UTRN: variants seen among roughly 807,000 people sequenced by gnomAD.
UTRN encodes utrophin.
In UTRN, 283 loss-of-function variants were observed where a neutral mutation model predicts 463.9. The observed-to-expected ratio is 0.61, with a 90% confidence interval of 0.55 to 0.67. The LOEUF (loss-of-function observed/expected upper bound fraction) is 0.67, where lower values mean the gene tolerates loss of function less well. UTRN is among the 30% of genes least tolerant of loss of function. The pLI is 0.00. For synonymous variants in UTRN, 1,442 were observed against 1,431.5 expected, an observed-to-expected ratio of 1.01 and a Z score of -0.17; for missense variants, 3,922 against 4,084.3, an observed-to-expected ratio of 0.96 and a Z score of 1.08.
At chr6:144,358,061 A>G (rs1328332214) in intron 2 of UTRN, among the ~76,000 whole-genome samples, 1 of 152,168 alleles carries the variant, frequency 6.6e-6, no homozygotes, top group Admixed American at 6.5e-5. Flanking sequence ...CTTAACTTTA[A>G]ATGTCTGTGC....
At chr6:144,777,092 C>T (rs548270967) in intron 60 of UTRN, among the ~76,000 whole-genome samples, 6 of 152,056 alleles carry the variant, frequency 3.9e-5, no homozygotes, top group African/African-American at 1.4e-4. Flanking sequence ...AGTCTGTGTT[C>T]GTCTCTACTT....
chr6:144,604,380 A>C (rs779340246), intron 51 of UTRN, among the ~76,000 whole-genome samples: 5 of 152,336 alleles, frequency 3.3e-5, no homozygotes, highest in Non-Finnish European at 5.9e-5. Flanking sequence ...AAAGAATTAA[A>C]AATTGCATGT....
At chr6:144,701,290 T>C (rs930196800) in intron 53 of UTRN, among the ~76,000 whole-genome samples, 10 of 151,682 alleles carry the variant, frequency 6.6e-5, no homozygotes, top group Non-Finnish European at 1.2e-4. Flanking sequence ...TGTTTGTGTT[T>C]AATAAAAGTG....
chr6:144,521,934 G>GAT, intron 39 of UTRN, 46 bp from the exon 40 acceptor site: 1 of 1,086,770 alleles, frequency 9.2e-7, no homozygotes, highest in Non-Finnish European at 1.2e-6. Flanking sequence ...GGTATTTTAA[G>GAT]AGATATATAT....
chr6:144,792,612 G>C (rs1001321103), intron 62 of UTRN, among the ~76,000 whole-genome samples: 1 of 151,898 alleles, frequency 6.6e-6, no homozygotes, highest in African/African-American at 2.4e-5. Context: ...TTTGAAAATA[G>C]TTTTAGAATC....
At chr6:144,633,632 TTC>T (rs1776781494) in intron 51 of UTRN, among the ~76,000 whole-genome samples, 1 of 152,334 alleles carries the variant, frequency 6.6e-6, no homozygotes, top group East Asian at 1.9e-4. Flanking sequence ...AACACACAAT[TTC>T]TTTCAGATAG....
chr6:144,384,266 A>G (rs573888010), intron 2 of UTRN, among the ~76,000 whole-genome samples: 146 of 152,274 alleles, frequency 9.6e-4, no homozygotes, highest in Non-Finnish European at 1.9e-3. Flanking sequence ...CGAGTCACAC[A>G]GCAGGGGGTG....
chr6:144,299,491 A>C (rs1219356007), intron 2 of UTRN, among the ~76,000 whole-genome samples: 1 of 152,106 alleles, frequency 6.6e-6, no homozygotes, highest in Non-Finnish European at 1.5e-5. Flanking sequence ...GGTGAAGTTA[A>C]AAGTGAGGAA....
At chr6:144,388,064 A>G (rs1781561825) in intron 2 of UTRN, among the ~76,000 whole-genome samples, 1 of 152,244 alleles carries the variant, frequency 6.6e-6, no homozygotes, top group Non-Finnish European at 1.5e-5. Context: ...AGAAGGTATT[A>G]CGTATTTATT....
intron 2 of UTRN, among the ~76,000 whole-genome samples, chr6:144,353,038 G>T (rs1048804776): frequency 6.6e-6 from 1 of 152,026 alleles, no homozygotes; most frequent in African/African-American, 2.4e-5. Context: ...GATCTCCGGG[G>T]GTCAAGCAGT....
At chr6:144,635,514 C>CTTTTTTT (rs1402815648) in intron 51 of UTRN, among the ~76,000 whole-genome samples, 89 of 80,010 alleles carry the variant, frequency 1.1e-3, no homozygotes, top group Non-Finnish European at 1.4e-3. Flanking sequence ...CTTTTTTTTT[C>CTTTTTTT]TTTTTTTTTT....
At chr6:144,460,322 G>A (rs551895933) in intron 21 of UTRN, among the ~76,000 whole-genome samples, 1 of 152,130 alleles carries the variant, frequency 6.6e-6, no homozygotes, top group Non-Finnish European at 1.5e-5. Flanking sequence ...GTGTTGCATT[G>A]TGCATTATTT....
chr6:144,509,930 C>CTG (rs1795037495), intron 34 of UTRN, among the ~76,000 whole-genome samples: 2 of 152,060 alleles, frequency 1.3e-5, no homozygotes, highest in South Asian at 4.1e-4. Context: ...TTAATAATTG[C>CTG]TGAGAGCATA....
chr6:144,454,674 A>T (rs1788648678), intron 19 of UTRN, among the ~76,000 whole-genome samples: 1 of 152,190 alleles, frequency 6.6e-6, no homozygotes, highest in Non-Finnish European at 1.5e-5. Context: ...AACTGTATAA[A>T]AGCAAATAGA....
At chr6:144,634,771 T>C (rs939590046) in intron 51 of UTRN, among the ~76,000 whole-genome samples, 1 of 152,230 alleles carries the variant, frequency 6.6e-6, no homozygotes, top group South Asian at 2.1e-4. Flanking sequence ...CTACAGTTTA[T>C]AGTGCTTTAA....
intron 17 of UTRN, among the ~76,000 whole-genome samples, chr6:144,449,940 G>A (rs114609439): frequency 0.013 from 2,030 of 152,250 alleles, 45 homozygotes; most frequent in African/African-American, 0.046. Context: ...TTTTTAGGGT[G>A]CTGGTGAGGA....
intron 51 of UTRN, among the ~76,000 whole-genome samples, chr6:144,638,069 G>A (rs1014790999): frequency 6.6e-6 from 1 of 152,124 alleles, no homozygotes; most frequent in African/African-American, 2.4e-5. Context: ...TATCAAGATA[G>A]TATTTAGGAA....
At position 144,461,251 on chromosome 6, in the gene UTRN, A is replaced by T; in HGVS notation, c.2762A>T (p.Asp921Val). 1 of 1,610,600 alleles carries T rather than the reference A, an allele frequency of 6.2e-7. No individual in the cohort carries two copies. Among genetic ancestry groups the T allele is most frequent in the Non-Finnish European group, 8.5e-7 (1 of 1,177,876 alleles). ...CTGGAAACATTGAAAACACTGAAAG[A>T]TGTGCTAAATGATTCAGAAAATAAG... ...AYLETLKTLK[D>V]VLNDSENKAQ... Residue 921 changes from aspartate (D) to valine (V), a missense_variant, in exon 22 of 75, where the codon GAT (aspartate) becomes GTT (valine). Physicochemically the swap from Asp to Val is radical, Grantham distance 152. Around this residue, in one of 3 missense-constraint regions of UTRN, gnomAD observed 2,349 missense variants for 2,303.8 expected, o/e 1.02. Transcript: ENST00000367545.
At chr6:144,416,637 G>T (rs1784387912) in intron 3 of UTRN, among the ~76,000 whole-genome samples, 1 of 152,234 alleles carries the variant, frequency 6.6e-6, no homozygotes, top group Non-Finnish European at 1.5e-5. Flanking sequence ...GGTAGAGGGA[G>T]ATGAGACTTG....
Sources: allele counts gnomAD v4.1 joint callset (sites outside exome capture counted in the v4.1 genomes callset), GRCh38; gene constraint gnomAD v4.1.1; regional missense constraint gnomAD v4.1.1; transcripts MANE v1.5; gene names NCBI Gene and HGNC (gene_info 2026-07-23, HGNC 2026-07-21).